The following CDC14B variants were observed in gnomAD, a reference collection of about 807,000 sequenced individuals.
The protein encoded by CDC14B is dual specificity protein phosphatase CDC14B.
In CDC14B, 22 loss-of-function variants were observed where a neutral mutation model predicts 64.2. The observed-to-expected ratio is 0.34, with a 90% confidence interval of 0.24 to 0.49. The LOEUF (loss-of-function observed/expected upper bound fraction) is 0.49. Among genes scored for constraint, CDC14B ranks in the 20% least tolerant of loss-of-function variants. The probability of loss-of-function intolerance (pLI) is 0.99; values close to 1 mark genes in which losing one functional copy is unlikely to be tolerated. For missense variants in CDC14B, 498 were observed against 629.9 expected (o/e 0.79, Z 2.24); for synonymous variants, 191 against 215.8 (o/e 0.89, Z 1.01).
At chr9:96,505,416 G>T (rs192555326) in intron 13 of CDC14B, among the ~76,000 whole-genome samples, 22 of 152,266 alleles carry the variant, frequency 1.4e-4, no homozygotes, top group Admixed American at 1.0e-3. Flanking sequence ...AGAAGAGCCT[G>T]CCCAAAAGAA....
At chr9:96,569,210 A>G (rs1174271435) in intron 1 of CDC14B, among the ~76,000 whole-genome samples, 2 of 152,212 alleles carry the variant, frequency 1.3e-5, no homozygotes, top group East Asian at 1.9e-4. Flanking sequence ...GCAGGCTAAC[A>G]GTGTTTTTCC....
intron 13 of CDC14B, among the ~76,000 whole-genome samples, chr9:96,507,694 G>A (rs1421970245): frequency 6.6e-6 from 1 of 152,046 alleles, no homozygotes; most frequent in African/African-American, 2.4e-5. Flanking sequence ...GATTACAGGC[G>A]TGAGCCACCG....
chr9:96,548,198 C>G (rs1395385822), intron 5 of CDC14B, among the ~76,000 whole-genome samples: 1 of 151,968 alleles, frequency 6.6e-6, no homozygotes, highest in East Asian at 1.9e-4. Context: ...AGTAGCAGAG[C>G]TGACAGCAAG....
chr9:96,539,482 C>T (rs557401637), intron 6 of CDC14B, among the ~76,000 whole-genome samples: 69 of 152,238 alleles, frequency 4.5e-4, no homozygotes, highest in African/African-American at 1.6e-3. Context: ...CACTACCACC[C>T]CTGGCTGAAA....
chr9:96,555,170 G>A (rs1000043827), intron 4 of CDC14B, among the ~76,000 whole-genome samples: 3 of 152,264 alleles, frequency 2.0e-5, no homozygotes, highest in East Asian at 3.9e-4. Flanking sequence ...CCCTCCCACG[G>A]TGAACAGGGT....
intron 1 of CDC14B, among the ~76,000 whole-genome samples, chr9:96,600,314 G>A (rs1846351202): frequency 6.6e-6 from 1 of 151,820 alleles, no homozygotes; most frequent in African/African-American, 2.4e-5. Context: ...ATTAAAATCT[G>A]TGAGGGATAG....
At chr9:96,506,517 G>A (rs1441857173) in intron 13 of CDC14B, among the ~76,000 whole-genome samples, 1 of 152,218 alleles carries the variant, frequency 6.6e-6, no homozygotes, top group Non-Finnish European at 1.5e-5. Flanking sequence ...CCCACTTAGA[G>A]GAAGGTGGGG....
chr9:96,497,522 A>C (rs117105959), downstream of CDC14B, among the ~76,000 whole-genome samples: 2 of 151,300 alleles, frequency 1.3e-5, no homozygotes, highest in East Asian at 3.9e-4. Flanking sequence ...ACGACATAAT[A>C]CAGCAGGACA....
intron 1 of CDC14B, among the ~76,000 whole-genome samples, chr9:96,599,118 A>C (rs1846265460): frequency 6.6e-6 from 1 of 152,126 alleles, no homozygotes. Flanking sequence ...GGTGGCTCAC[A>C]CCTGTAATCC....
chr9:96,538,864 C>A, intron 7 of CDC14B: 1 of 491,126 alleles, frequency 2.0e-6, no homozygotes, highest in Non-Finnish European at 3.6e-6. Context: ...GAGTACATCT[C>A]AGGTATTCTC....
chr9:96,530,915 C>T (rs1308349038), intron 9 of CDC14B, among the ~76,000 whole-genome samples: 2 of 152,122 alleles, frequency 1.3e-5, no homozygotes, highest in African/African-American at 4.8e-5. Flanking sequence ...CAGAGATGAT[C>T]GTATGGTTTT....
At chr9:96,562,142 A>C (rs1843292817) in intron 4 of CDC14B, among the ~76,000 whole-genome samples, 1 of 152,214 alleles carries the variant, frequency 6.6e-6, no homozygotes, top group South Asian at 2.1e-4. Flanking sequence ...TATGTATGTA[A>C]TCCGTGTGGT....
chr9:96,557,681 C>A (rs1431677878), intron 4 of CDC14B, among the ~76,000 whole-genome samples: 3 of 152,156 alleles, frequency 2.0e-5, no homozygotes, highest in Non-Finnish European at 4.4e-5. Context: ...TAATTAGTAT[C>A]ATCATTTTCA....
chr9:96,606,527 TTGTGTGTGTGTGTGTGTGTGTGTG>T (rs376059971), intron 1 of CDC14B, among the ~76,000 whole-genome samples: 174 of 112,854 alleles, frequency 1.5e-3, no homozygotes, highest in African/African-American at 5.3e-3. Context: ...TACTAAAAGT[TTGTGTGTGTGTGTGTGTGTGTGTG>T]TGTGTGTGTG....
chr9:96,551,683 G>T, intron 5 of CDC14B, 113 bp downstream of exon 5: 1 of 1,415,950 alleles, frequency 7.1e-7, no homozygotes. Flanking sequence ...GGTGTTATTT[G>T]CGCTCATCCT....
At position 96,529,490 on chromosome 9, in the gene CDC14B, C is replaced by CTT. The variant is rs56239842; in HGVS notation, c.946+4435_946+4436dup. 6.6e-4 allele frequency among the ~76,000 whole-genome samples: 87 copies of CTT among 131,088 alleles called. 1 individual carries two copies. The highest frequency in any genetic ancestry group is 1.4e-3 in the African/African-American group (48 of 34,568). The allele number at this position is 131,088 out of a possible 152,430, so 86.0% of individuals were successfully genotyped here. ...TGATTGATGTAGCTTTGTACTAAGC[C>CTT]TTTTTTTTTTTTTTTTTTTGAGACG... is the stretch of plus-strand genomic sequence containing the variant. On this transcript the variant is annotated intron_variant, in intron 9 of 13. Transcript: ENST00000375241.
At chr9:96,574,810 A>G (rs561186375) in intron 1 of CDC14B, among the ~76,000 whole-genome samples, 2 of 152,302 alleles carry the variant, frequency 1.3e-5, no homozygotes, top group South Asian at 2.1e-4. Context: ...AATGTATAAA[A>G]CCAATAAAGT....
intron 1 of CDC14B, among the ~76,000 whole-genome samples, chr9:96,603,284 T>G (rs961804389): frequency 6.6e-6 from 1 of 152,148 alleles, no homozygotes; most frequent in South Asian, 2.1e-4. Flanking sequence ...TTAGTCTATG[T>G]TGTTTACTCT....
chr9:96,518,624 T>C (rs79233403), intron 12 of CDC14B, among the ~76,000 whole-genome samples: 62 of 152,174 alleles, frequency 4.1e-4, no homozygotes, highest in African/African-American at 1.4e-3. Context: ...ACCCACACCA[T>C]CTTATTTAAT....
Sources: allele counts gnomAD v4.1 joint callset (sites outside exome capture counted in the v4.1 genomes callset), GRCh38; gene constraint gnomAD v4.1.1; transcripts MANE v1.5; gene names NCBI Gene and HGNC (gene_info 2026-07-23, HGNC 2026-07-21).